Variants in RGS6 observed in about 807,000 individuals in gnomAD.
RGS6 encodes the protein regulator of G protein signaling 6.
Under a neutral mutation model 78.5 loss-of-function variants are expected in RGS6, and 30 were observed. The observed-to-expected ratio is 0.38, with a 90% CI of 0.29 to 0.52. The LOEUF (loss-of-function observed/expected upper bound fraction) is 0.52, where lower values mean the gene tolerates loss of function less well. Ranked by LOEUF, RGS6 falls within the 20% of genes least tolerant of loss-of-function variation. The pLI is 0.85. For missense variants in RGS6, 495 were observed against 609.7 expected (o/e 0.81, Z 1.98); for synonymous variants, 206 against 206.0 (o/e 1.00, Z 0.00).
intron 1 of RGS6, among the ~76,000 whole-genome samples, chr14:71,952,377 A>G (rs999980521): frequency 2.0e-5 from 3 of 152,166 alleles, no homozygotes; most frequent in Non-Finnish European, 4.4e-5. Flanking sequence ...ATTGCACAGA[A>G]TAGCGGGCTC....
intron 2 of RGS6, among the ~76,000 whole-genome samples, chr14:71,995,573 C>T (rs2095163987): frequency 6.6e-6 from 1 of 152,258 alleles, no homozygotes; most frequent in Non-Finnish European, 1.5e-5. Context: ...GTTTCCCAGT[C>T]TGTAAATGGA....
At chr14:72,071,741 G>A (rs1038731839) in intron 2 of RGS6, among the ~76,000 whole-genome samples, 37 of 152,126 alleles carry the variant, frequency 2.4e-4, no homozygotes, top group Admixed American at 3.9e-4. Context: ...ATAGAAATTA[G>A]CCATGGCAAC....
At chr14:72,218,456 GTATATTAA>G (rs1429762672) in intron 2 of RGS6, among the ~76,000 whole-genome samples, 1 of 151,790 alleles carries the variant, frequency 6.6e-6, no homozygotes, top group Non-Finnish European at 1.5e-5. Flanking sequence ...TGCTGTATCA[GTATATTAA>G]TATTAAATTA....
chr14:72,404,967 C>T (rs1477072736), intron 3 of RGS6, among the ~76,000 whole-genome samples: 1 of 151,984 alleles, frequency 6.6e-6, no homozygotes, highest in Non-Finnish European at 1.5e-5. Context: ...GAAGGGGGAA[C>T]CCTGGAGAAG....
At chr14:72,035,346 T>C (rs956448375) in intron 2 of RGS6, among the ~76,000 whole-genome samples, 2 of 126,216 alleles carry the variant, frequency 1.6e-5, no homozygotes, top group African/African-American at 6.2e-5. Context: ...TATCTCCTCT[T>C]TCATTTTGAT....
At chr14:72,170,754 C>A (rs1009193720) in intron 2 of RGS6, among the ~76,000 whole-genome samples, 6 of 152,194 alleles carry the variant, frequency 3.9e-5, no homozygotes, top group African/African-American at 1.4e-4. Context: ...CAATCAGGAA[C>A]AATCTGTAGT....
intron 3 of RGS6, among the ~76,000 whole-genome samples, chr14:72,407,139 A>T (rs1018897706): frequency 2.0e-5 from 3 of 152,212 alleles, no homozygotes; most frequent in African/African-American, 7.2e-5. Flanking sequence ...TAATACCAAG[A>T]CCCTAGGTGT....
At chr14:72,402,506 G>A (rs2092519384) in intron 3 of RGS6, among the ~76,000 whole-genome samples, 1 of 152,092 alleles carries the variant, frequency 6.6e-6, no homozygotes, top group South Asian at 2.1e-4. Context: ...TGAAAAAAAT[G>A]TTCAACATCA....
intron 3 of RGS6, among the ~76,000 whole-genome samples, chr14:72,400,251 G>A (rs561747144): frequency 6.6e-6 from 1 of 152,298 alleles, no homozygotes; most frequent in South Asian, 2.1e-4. Context: ...TTAAAGAAAA[G>A]AATTTTCAAC....
At chr14:72,607,429 T>C in the RGS6 span, among the ~76,000 whole-genome samples, 2 of 152,316 alleles carry the variant, frequency 1.3e-5, no homozygotes, top group Non-Finnish European at 2.9e-5. Flanking sequence ...GCTTCCTTTA[T>C]AAGGGCACTA....
chr14:71,874,151 T>C, the RGS6 span, among the ~76,000 whole-genome samples: 1 of 152,180 alleles, frequency 6.6e-6, no homozygotes, highest in Non-Finnish European at 1.5e-5. Context: ...ATATGAACTT[T>C]AAAGTAGTTT....
chr14:72,154,359 G>T (rs1323491418), intron 2 of RGS6, among the ~76,000 whole-genome samples: 1 of 152,156 alleles, frequency 6.6e-6, no homozygotes, highest in Non-Finnish European at 1.5e-5. Flanking sequence ...TACCTCCTCA[G>T]CTTATGAAGA....
At chr14:71,901,964 A>G in the RGS6 span, among the ~76,000 whole-genome samples, 1 of 152,238 alleles carries the variant, frequency 6.6e-6, no homozygotes, top group Admixed American at 6.5e-5. Context: ...CAGGCAAATA[A>G]GGATGGAATA....
At chr14:71,964,562 G>A (rs1416962025) in intron 1 of RGS6, among the ~76,000 whole-genome samples, 1 of 152,124 alleles carries the variant, frequency 6.6e-6, no homozygotes, top group Admixed American at 6.5e-5. Context: ...GTGCGATTCT[G>A]AGCTGAAAAT....
At chr14:72,541,751 C>T (rs1567090186) in intron 17 of RGS6, 1 of 962,312 alleles carries the variant, frequency 1.0e-6, no homozygotes, top group South Asian at 1.7e-5. Context: ...CCCCCGGAAG[C>T]TCTTGAGGGT....
chr14:71,924,928 G>A, the RGS6 span, among the ~76,000 whole-genome samples: 13 of 152,088 alleles, frequency 8.5e-5, no homozygotes, highest in African/African-American at 2.7e-4. Context: ...ATTTGTCTTC[G>A]GTAGATACCC....
At chr14:72,497,874 C>T (rs1427930097) in intron 13 of RGS6, among the ~76,000 whole-genome samples, 2 of 151,500 alleles carry the variant, frequency 1.3e-5, no homozygotes, top group African/African-American at 2.4e-5. Context: ...TCCATTCTAT[C>T]CTCACTTTTC....
chr14:72,557,142 T>A (rs2097590307), intron 17 of RGS6, among the ~76,000 whole-genome samples: 1 of 152,208 alleles, frequency 6.6e-6, no homozygotes, highest in Non-Finnish European at 1.5e-5. Context: ...CCATAACGGG[T>A]TCCATAGCCC....
At chr14:72,244,828 CTT>C (rs56904507) in intron 2 of RGS6, among the ~76,000 whole-genome samples, 2,055 of 145,114 alleles carry the variant, frequency 0.014, 44 homozygotes, top group African/African-American at 0.044. Flanking sequence ...AAAAATTGGT[CTT>C]TTTTTTTTTT....
Sources: gnomAD v4.1 joint callset for allele counts (sites outside exome capture counted in the v4.1 genomes callset) on GRCh38, gnomAD v4.1.1 for gene constraint, MANE v1.5 for transcripts, NCBI Gene and HGNC (gene_info 2026-07-23, HGNC 2026-07-21) for gene names.